The following SGCD variants were observed in gnomAD, a reference collection of about 807,000 sequenced individuals.
The protein encoded by SGCD is delta-sarcoglycan.
SGCD carries 18 observed loss-of-function variants against 36.6 expected under a neutral mutation model. The ratio of observed to expected loss-of-function variants is 0.49; its 90% CI spans 0.34 to 0.73. The LOEUF (loss-of-function observed/expected upper bound fraction) is 0.73. SGCD is among the 30% of genes least tolerant of loss of function. The pLI, the probability that SGCD is intolerant of heterozygous loss-of-function variation, is 0.01. For synonymous variants in SGCD, 133 were observed against 130.6 expected (o/e 1.02, Z -0.12); for missense variants, 387 against 346.7 (o/e 1.12, Z -0.92).
At chr5:156,240,729 T>C (rs1043566641) in intron 3 of SGCD, among the ~76,000 whole-genome samples, 1 of 152,240 alleles carries the variant, frequency 6.6e-6, no homozygotes, top group Admixed American at 6.5e-5. Flanking sequence ...TTTGAGTTTT[T>C]GTTTTGTGTT....
intron 3 of SGCD, among the ~76,000 whole-genome samples, chr5:156,292,238 C>A (rs1171585769): frequency 6.6e-6 from 1 of 152,102 alleles, no homozygotes; most frequent in Non-Finnish European, 1.5e-5. Flanking sequence ...CAACTCCTTT[C>A]ATCTTGCAAA....
chr5:156,705,713 T>C (rs1257315514), intron 7 of SGCD, among the ~76,000 whole-genome samples: 2 of 152,170 alleles, frequency 1.3e-5, no homozygotes, highest in Non-Finnish European at 2.9e-5. Context: ...CTGTGTGTGA[T>C]TAGCTTGCAC....
intron 3 of SGCD, among the ~76,000 whole-genome samples, chr5:156,459,473 G>T (rs1274062562): frequency 6.6e-6 from 1 of 152,098 alleles, no homozygotes; most frequent in Non-Finnish European, 1.5e-5. Flanking sequence ...TTCCCATTTT[G>T]CCTGTGTCTT....
intron 3 of SGCD, among the ~76,000 whole-genome samples, chr5:156,276,041 A>T (rs992132502): frequency 3.9e-5 from 6 of 151,952 alleles, no homozygotes; most frequent in Non-Finnish European, 4.4e-5. Flanking sequence ...GGAATAAGTG[A>T]CCTCCCCAGC....
the SGCD span, among the ~76,000 whole-genome samples, chr5:155,812,050 A>G: frequency 1.3e-5 from 2 of 152,370 alleles, no homozygotes; most frequent in East Asian, 3.9e-4. Flanking sequence ...ATCAGCAGTA[A>G]CAATTGCAAC....
chr5:156,356,393 A>G (rs1215770587), intron 3 of SGCD, among the ~76,000 whole-genome samples: 4 of 152,216 alleles, frequency 2.6e-5, no homozygotes, highest in Admixed American at 2.0e-4. Context: ...CAGAACGCCT[A>G]CACACAGCTC....
chr5:156,734,122 G>A (rs893634249), intron 7 of SGCD, among the ~76,000 whole-genome samples: 6 of 152,062 alleles, frequency 3.9e-5, no homozygotes, highest in Non-Finnish European at 2.9e-5. Flanking sequence ...CTCAGCATTT[G>A]TTTGTCTGAA....
intron 7 of SGCD, among the ~76,000 whole-genome samples, chr5:156,671,728 A>G (rs1321509276): frequency 2.6e-5 from 4 of 152,200 alleles, no homozygotes; most frequent in Non-Finnish European, 5.9e-5. Flanking sequence ...TCATAAAGGA[A>G]TACCTGAGAT....
intron 3 of SGCD, among the ~76,000 whole-genome samples, chr5:156,417,742 A>G (rs6862245): frequency 1.1e-3 from 166 of 152,232 alleles, no homozygotes; most frequent in African/African-American, 3.7e-3. Flanking sequence ...CAGAAGCCCT[A>G]TACTTAGTAC....
At chr5:155,963,409 CA>C (rs1206217139) in intron 1 of SGCD, among the ~76,000 whole-genome samples, 2 of 152,068 alleles carry the variant, frequency 1.3e-5, no homozygotes, top group Non-Finnish European at 2.9e-5. Flanking sequence ...TAAAATGAGT[CA>C]AAAAGTCACT....
chr5:156,409,122 A>G (rs929152372), intron 3 of SGCD, among the ~76,000 whole-genome samples: 28 of 152,332 alleles, frequency 1.8e-4, no homozygotes, highest in African/African-American at 6.7e-4. Flanking sequence ...CTTAAGCCAT[A>G]CTTGCTTTTT....
At chr5:156,086,124 C>T (rs529625482) in intron 1 of SGCD, among the ~76,000 whole-genome samples, 6 of 152,292 alleles carry the variant, frequency 3.9e-5, no homozygotes, top group Admixed American at 2.0e-4. Flanking sequence ...AGGCAAGGTA[C>T]GAAAACCTCT....
At chr5:156,211,011 T>A (rs1234158972) in intron 3 of SGCD, among the ~76,000 whole-genome samples, 2 of 152,056 alleles carry the variant, frequency 1.3e-5, no homozygotes, top group Admixed American at 6.6e-5. Flanking sequence ...ATAATTAAAC[T>A]GTTAAATAAT....
intron 3 of SGCD, among the ~76,000 whole-genome samples, chr5:156,315,024 C>T (rs1366353143): frequency 6.6e-6 from 1 of 151,904 alleles, no homozygotes; most frequent in Non-Finnish European, 1.5e-5. Context: ...TTAACATAGC[C>T]ATTACCTCAC....
chr5:156,213,512 G>A lies in SGCD; in HGVS notation c.-44+89493G>A, dbSNP rs904859473. ...TGAAGCAAAGCTTATGGAACTGATA[G>A]CTTCACTGCTGAATTCTATCAAACA... On this transcript the variant is annotated intron_variant, in intron 3 of 9. Coordinates refer to the SGCD transcript ENST00000517913. Among the ~76,000 whole-genome samples the A allele has an allele frequency of 4.6e-5, 7 of 152,118 alleles. No individual in the cohort carries two copies. The East Asian group carries it at 7.7e-4, about 17-fold the overall frequency.
chr5:156,385,198 C>T (rs911054450), intron 3 of SGCD, among the ~76,000 whole-genome samples: 2 of 152,204 alleles, frequency 1.3e-5, no homozygotes, highest in African/African-American at 4.8e-5. Flanking sequence ...AGTCCTATGC[C>T]TTTCACAAAC....
intron 3 of SGCD, among the ~76,000 whole-genome samples, chr5:156,248,689 G>A (rs1015218853): frequency 6.6e-6 from 1 of 152,216 alleles, no homozygotes; most frequent in Non-Finnish European, 1.5e-5. Flanking sequence ...CCACTGAAGC[G>A]TGACAAGACA....
intron 1 of SGCD, among the ~76,000 whole-genome samples, chr5:155,886,891 G>A (rs796612490): frequency 3.9e-5 from 6 of 152,160 alleles, no homozygotes; most frequent in African/African-American, 1.2e-4. Context: ...TGAGCGCTGT[G>A]GTTCAGAACC....
intron 7 of SGCD, among the ~76,000 whole-genome samples, chr5:156,684,641 C>T (rs1753841435): frequency 6.6e-6 from 1 of 152,222 alleles, no homozygotes; most frequent in African/African-American, 2.4e-5. Flanking sequence ...AATTATTCAT[C>T]TGTATTGTAT....
Sources: allele counts gnomAD v4.1 joint callset (sites outside exome capture counted in the v4.1 genomes callset), GRCh38; gene constraint gnomAD v4.1.1; transcripts MANE v1.5; gene names NCBI Gene and HGNC (gene_info 2026-07-23, HGNC 2026-07-21).